The following SOS1 variants were observed in gnomAD, a reference collection of about 807,000 sequenced individuals.
The protein encoded by SOS1 is son of sevenless homolog 1.
A neutral mutation model predicts 157.6 loss-of-function variants in SOS1; 25 were observed. The ratio of observed to expected loss-of-function variants is 0.16; its 90% CI spans 0.12 to 0.22. The LOEUF is 0.22. Among genes scored for constraint, SOS1 ranks in the 10% least tolerant of loss-of-function variants. The probability of loss-of-function intolerance (pLI) is 1.00; values close to 1 mark genes in which losing one functional copy is unlikely to be tolerated. For missense variants in SOS1, 1,237 were observed against 1,599.1 expected, an observed-to-expected ratio of 0.77 and a Z score of 3.86; for synonymous variants, 528 against 534.0, an observed-to-expected ratio of 0.99 and a Z score of 0.16.
At chr2:39,054,032 A>G (rs1671117981) in intron 5 of SOS1, among the ~76,000 whole-genome samples, 1 of 151,090 alleles carries the variant, frequency 6.6e-6, no homozygotes, top group African/African-American at 2.4e-5. Flanking sequence ...GGTTCACGCC[A>G]TTCTCCTGCC....
At chr2:39,046,461 A>C (rs1170903859) in intron 6 of SOS1, among the ~76,000 whole-genome samples, 7 of 148,632 alleles carry the variant, frequency 4.7e-5, no homozygotes, top group African/African-American at 1.8e-4. Context: ...ACACTTTCTA[A>C]TTTTTTATTT....
Position 39,022,800 on chromosome 2 carries a change from G to C in SOS1, c.1628C>G (p.Ser543Cys). ...TTCCAGTGTACTCCGGTACTGTAAA[G>C]ATATCAATGCTGCCATCCAATTGTT... ...EKNNWMAALI[S>C]LQYRSTLERM... The change falls in exon 10 of 23, where the codon TCT becomes TGT. Residue 543 changes from serine (S) to cysteine (C), a missense_variant. Around this residue, in one of 15 missense-constraint regions of SOS1, gnomAD observed 210 missense variants for 220.2 expected, o/e 0.95. Transcript: ENST00000402219. 1 of 1,613,522 alleles carries C rather than the reference G, an allele frequency of 6.2e-7. No homozygotes were observed. The highest frequency in any genetic ancestry group is 8.5e-7 in the Non-Finnish European group (1 of 1,179,578).
Position 39,035,555 on chromosome 2 carries a change from GATTTA to G in SOS1, c.865-60_865-56del, listed in dbSNP as rs978569438. 1,066 of 1,305,776 alleles carry G rather than the reference GATTTA, an allele frequency of 8.2e-4. 5 individuals carry two copies. The highest frequency in any genetic ancestry group is 1.8e-3 in the Middle Eastern group (10 of 5,472). The allele number at this position is 1,305,776 out of a possible 1,614,324, so 80.9% of individuals were successfully genotyped here. On this transcript the variant is annotated intron_variant, in intron 6 of 22. Coordinates refer to ENST00000402219, the MANE Select transcript of SOS1 (RefSeq NM_005633.4). ...TAATTTACCATTACAAACACAGAAA[GATTTA>G]ATTATGGGGCACGACTATGCGAGCA... is the stretch of plus-strand genomic sequence containing the variant.
chr2:38,990,495 T>C (rs1668699126), intron 20 of SOS1, among the ~76,000 whole-genome samples: 1 of 152,166 alleles, frequency 6.6e-6, no homozygotes, highest in African/African-American at 2.4e-5. Flanking sequence ...ATTGCCTGGT[T>C]GTAAAAGGGA....
intron 1 of SOS1, among the ~76,000 whole-genome samples, chr2:39,076,760 C>G (rs1461998411): frequency 6.6e-6 from 1 of 152,104 alleles, no homozygotes; most frequent in Non-Finnish European, 1.5e-5. Context: ...ATCACAATGT[C>G]TACTCAACAT....
chr2:38,992,309 T>G (rs572776237), intron 20 of SOS1: 1 of 152,298 alleles, frequency 6.6e-6, no homozygotes, highest in South Asian at 2.1e-4. Context: ...TTATTTGATT[T>G]CAAAATCAGT....
At chr2:39,025,972 T>G (rs563239161) in intron 8 of SOS1, among the ~76,000 whole-genome samples, 18 of 152,280 alleles carry the variant, frequency 1.2e-4, no homozygotes, top group African/African-American at 4.3e-4. Flanking sequence ...TCCAGATTTC[T>G]TATATTCATT....
At chr2:39,049,164 C>G (rs549678266) in intron 6 of SOS1, among the ~76,000 whole-genome samples, 5 of 151,976 alleles carry the variant, frequency 3.3e-5, no homozygotes, top group African/African-American at 1.2e-4. Flanking sequence ...GTGATCTGCC[C>G]GCTTCGGCCT....
chr2:39,077,762 T>A (rs1456426677), intron 1 of SOS1, among the ~76,000 whole-genome samples: 2 of 152,180 alleles, frequency 1.3e-5, no homozygotes, highest in African/African-American at 4.8e-5. Flanking sequence ...GCTAGGACAT[T>A]GGCAAATTAT....
intron 1 of SOS1, among the ~76,000 whole-genome samples, chr2:39,120,122 C>T (rs1376125429): frequency 3.9e-5 from 6 of 152,160 alleles, no homozygotes; most frequent in African/African-American, 1.4e-4. Flanking sequence ...GGATAAACTC[C>T]CCCCGGCTCC....
At chr2:39,021,272 A>C (rs1481328914) in intron 10 of SOS1, among the ~76,000 whole-genome samples, 1 of 151,646 alleles carries the variant, frequency 6.6e-6, no homozygotes, top group Non-Finnish European at 1.5e-5. Flanking sequence ...ATTTTGCTTT[A>C]AAGTGTCCTC....
chr2:39,037,378 T>C (rs555782820), intron 6 of SOS1, among the ~76,000 whole-genome samples: 5 of 152,326 alleles, frequency 3.3e-5, no homozygotes, highest in African/African-American at 1.2e-4. Context: ...AGTTGCCTTT[T>C]ATACTCAAAA....
At chr2:39,005,717 G>A (rs1477101510) in intron 17 of SOS1, among the ~76,000 whole-genome samples, 4 of 151,986 alleles carry the variant, frequency 2.6e-5, no homozygotes, top group East Asian at 1.9e-4. Context: ...ATATAGATGA[G>A]GAAAAGGCTA....
At chr2:39,003,556 GA>G (rs1369466524) in intron 17 of SOS1, among the ~76,000 whole-genome samples, 1 of 152,062 alleles carries the variant, frequency 6.6e-6, no homozygotes, top group African/African-American at 2.4e-5. Context: ...AAAACCCAAG[GA>G]AATTAAAAAT....
chr2:39,040,220 T>C (rs1354102905), intron 6 of SOS1, among the ~76,000 whole-genome samples: 3 of 151,950 alleles, frequency 2.0e-5, no homozygotes, highest in Admixed American at 6.6e-5. Context: ...CGTTTCACCG[T>C]GTTAGCCAGG....
intron 1 of SOS1, among the ~76,000 whole-genome samples, chr2:39,117,092 A>T (rs1673679530): frequency 6.7e-6 from 1 of 149,480 alleles, no homozygotes; most frequent in African/African-American, 2.5e-5. Context: ...GCAGTGGTGC[A>T]ATCTCGCCCC....
At chr2:39,006,172 A>T (rs1201905638) in intron 17 of SOS1, among the ~76,000 whole-genome samples, 1 of 152,198 alleles carries the variant, frequency 6.6e-6, no homozygotes, top group Non-Finnish European at 1.5e-5. Flanking sequence ...TTATAAATAT[A>T]AAAACACAAG....
chr2:39,120,563 G>A lies in SOS1; in HGVS notation c.-141C>T, dbSNP rs1050743533. The stretch of plus-strand genomic sequence containing the variant: ...CCCCCTCCGGGCGCCGCGCAGCCGG[G>A]CTAGCCCTGGCGAGGGGGCTGGGGG... On this transcript the variant is annotated 5_prime_UTR_variant, in exon 1 of 23. Coordinates refer to ENST00000402219, the MANE Select transcript of SOS1 (RefSeq NM_005633.4). 64 of 987,736 alleles carry A rather than the reference G, an allele frequency of 6.5e-5. No homozygotes were observed. The highest frequency in any genetic ancestry group is 3.4e-4 in the Admixed American group (6 of 17,778). The allele number at this position is 987,736 out of a possible 1,614,324, so 61.2% of individuals were successfully genotyped here.
chr2:39,051,371 A>C, intron 5 of SOS1, 84 bp from the exon 6 acceptor site: 1 of 1,253,480 alleles, frequency 8.0e-7, no homozygotes. Context: ...TCATTTTATA[A>C]TCACAAAATT....
Sources: gnomAD v4.1 joint callset for allele counts (sites outside exome capture counted in the v4.1 genomes callset) on GRCh38, gnomAD v4.1.1 for gene constraint, gnomAD v4.1.1 regional missense constraint, MANE v1.5 for transcripts, NCBI Gene and HGNC (gene_info 2026-07-23, HGNC 2026-07-21) for gene names.